The following ANKRD28 variants were observed in gnomAD, a reference collection of about 807,000 sequenced individuals.
The protein encoded by ANKRD28 is ankyrin repeat domain 28.
Under a neutral mutation model 126.5 loss-of-function variants are expected in ANKRD28, and 44 were observed. The ratio of observed to expected loss-of-function variants is 0.35; its 90% CI spans 0.27 to 0.45. The LOEUF is 0.45. ANKRD28 is among the 20% of genes least tolerant of loss of function. The pLI is 1.00. For missense variants in ANKRD28, 1,110 were observed against 1,316.6 expected, an observed-to-expected ratio of 0.84 and a Z score of 2.43; for synonymous variants, 442 against 468.5, an observed-to-expected ratio of 0.94 and a Z score of 0.73.
chr3:15,857,585 G>A (rs1280176348), intron 1 of ANKRD28, among the ~76,000 whole-genome samples: 2 of 152,172 alleles, frequency 1.3e-5, no homozygotes, highest in Non-Finnish European at 2.9e-5. Flanking sequence ...GCGCCTGGCC[G>A]CAAGTGGCAT....
intron 1 of ANKRD28, among the ~76,000 whole-genome samples, chr3:15,850,415 GA>G (rs1464766367): frequency 6.6e-6 from 1 of 151,932 alleles, no homozygotes; most frequent in African/African-American, 2.4e-5. Context: ...TTAAAAAACA[GA>G]AATGTATTCT....
At chr3:15,855,337 A>G (rs2061742170) in intron 1 of ANKRD28, among the ~76,000 whole-genome samples, 1 of 152,150 alleles carries the variant, frequency 6.6e-6, no homozygotes, top group South Asian at 2.1e-4. Flanking sequence ...CCTGTTTAAA[A>G]AAACAAAACA....
In ANKRD28 at chr3:15,767,745, G is replaced by A. The variant is rs1452210579; in HGVS notation, c.202-1433C>T. On this transcript the variant is annotated intron_variant, in intron 2 of 27. Transcript: ENST00000683139. The stretch of plus-strand genomic sequence containing the variant: ...AAAAAAAAAAAAAAAAAAAAAAGCC[G>A]CACGTGGTGGCGGGTGCCTGTAGTC... Among the ~76,000 whole-genome samples, 13 of 111,256 alleles carry A rather than the reference G, an allele frequency of 1.2e-4. No homozygotes were observed. The East Asian group carries it at 1.4e-3, about 12-fold the overall frequency. The allele number at this position is 111,256 out of a possible 152,430, so 73.0% of individuals were successfully genotyped here. A position where few individuals can be genotyped will look rare whatever the true frequency, so the allele number is the denominator to read the frequency against.
At chr3:15,806,307 A>AT (rs1195228677) in intron 1 of ANKRD28, among the ~76,000 whole-genome samples, 3 of 152,230 alleles carry the variant, frequency 2.0e-5, no homozygotes, top group Non-Finnish European at 4.4e-5. Flanking sequence ...AGAATTGATA[A>AT]TTAGCCCATT....
At chr3:15,770,523 CACTG>C (rs1174102924) in intron 2 of ANKRD28, among the ~76,000 whole-genome samples, 3 of 151,960 alleles carry the variant, frequency 2.0e-5, no homozygotes, top group Admixed American at 1.3e-4. Flanking sequence ...TGGAATTGAG[CACTG>C]AACAACCAAA....
chr3:15,819,655 T>C (rs2060902238), intron 1 of ANKRD28, among the ~76,000 whole-genome samples: 1 of 152,220 alleles, frequency 6.6e-6, no homozygotes, highest in Non-Finnish European at 1.5e-5. Flanking sequence ...TGAACTATGA[T>C]TGCCTGTTAC....
rs1370207517 is a variant in ANKRD28 at position 15,677,519 on chromosome 3, A to T, written c.2751T>A (p.Asp917Glu). Residue 917 changes from aspartate (D) to glutamate (E), a missense_variant, in exon 25 of 28, where the codon GAT (aspartate) becomes GAA (glutamate). Physicochemically the swap from Asp to Glu is conservative, Grantham distance 45. Transcript: ENST00000683139. ...AATGGAGGGCAGTATTTTTACTGTTATCTTGTAAAGTCAGTTCTGCACTAG... is the reference window on the plus strand; with the variant it reads ...AATGGAGGGCAGTATTTTTACTGTTTTCTTGTAAAGTCAGTTCTGCACTAG... ...SSASAELTLQDNSKNTALHLA... is the reference protein window; with the variant it reads ...SSASAELTLQENSKNTALHLA... 2.5e-6 allele frequency: 4 copies of T among 1,613,140 alleles called. No homozygotes were observed. The highest frequency in any genetic ancestry group is 3.4e-6 in the Non-Finnish European group (4 of 1,179,306).
intron 10 of ANKRD28, among the ~76,000 whole-genome samples, chr3:15,712,572 C>A (rs2072456964): frequency 6.6e-6 from 1 of 152,132 alleles, no homozygotes; most frequent in Non-Finnish European, 1.5e-5. Context: ...ATTGTGACAA[C>A]CAAAAATGTA....
chr3:15,788,900 AC>A (rs992815604), intron 2 of ANKRD28, among the ~76,000 whole-genome samples: 3 of 151,550 alleles, frequency 2.0e-5, no homozygotes, highest in Non-Finnish European at 4.4e-5. Flanking sequence ...CTACACATTT[AC>A]CCCCCCAAAA....
intron 2 of ANKRD28, among the ~76,000 whole-genome samples, chr3:15,782,409 C>A (rs2125701737): frequency 6.6e-6 from 1 of 152,118 alleles, no homozygotes; most frequent in Admixed American, 6.6e-5. Flanking sequence ...AATGAAATTA[C>A]AAAATATTGG....
At chr3:15,703,525 T>C (rs2125983201) in intron 14 of ANKRD28, among the ~76,000 whole-genome samples, 1 of 152,350 alleles carries the variant, frequency 6.6e-6, no homozygotes, top group African/African-American at 2.4e-5. Flanking sequence ...TGTGAGGATA[T>C]GGCAAGAATA....
In ANKRD28 at chr3:15,830,112, C is replaced by T. The variant is rs759305728; in HGVS notation, c.27+29265G>A. ...GCTTTTCCCTCCCCTTAACTGTAAGCAAGGCAGTGAAAAACACAGTCTGGT... is the reference window on the plus strand; with the variant it reads ...GCTTTTCCCTCCCCTTAACTGTAAGTAAGGCAGTGAAAAACACAGTCTGGT... On this transcript the variant is annotated intron_variant, in intron 1 of 27. Transcript: ENST00000399451. The surrounding 1 kb of genome is among the most constrained non-coding windows in gnomAD (Gnocchi z 4.5). Among the ~76,000 whole-genome samples, 6 of 152,164 alleles carry T rather than the reference C, an allele frequency of 3.9e-5. No homozygotes were observed. Among genetic ancestry groups the T allele is most frequent in the Non-Finnish European group, 7.3e-5 (5 of 68,028 alleles).
chr3:15,762,202 AAAAAAAAAAAACAAAAC>A (rs1192051623), intron 3 of ANKRD28, among the ~76,000 whole-genome samples: 180 of 31,858 alleles, frequency 5.7e-3, no homozygotes, highest in African/African-American at 0.011. Context: ...AAAAAAAAAA[AAAAAAAAAAAACAAAAC>A]AAAAAAAAAA....
Position 15,677,582 on chromosome 3 carries a change from C to A in ANKRD28, c.2708-20G>T. ...GCATCTCTGGGAGGAAAAAGTGCAT[C>A]AATTCTTATGTTTATGAACATGTTT... On this transcript the variant is annotated intron_variant, in intron 24 of 27. Transcript: ENST00000683139. The A allele has an allele frequency of 1.3e-6, 2 of 1,549,566 alleles. No homozygotes were observed. The highest frequency in any genetic ancestry group is 2.2e-5 in the South Asian group (2 of 89,084).
At chr3:15,762,221 A>AT (rs756528519) in intron 3 of ANKRD28, among the ~76,000 whole-genome samples, 1 of 100,782 alleles carries the variant, frequency 9.9e-6, no homozygotes, top group East Asian at 2.7e-4. Flanking sequence ...AAACAAAACA[A>AT]AAAAAAAAAA....
chr3:15,761,541 A>G (rs2058458290), intron 3 of ANKRD28, among the ~76,000 whole-genome samples: 1 of 152,160 alleles, frequency 6.6e-6, no homozygotes, highest in Admixed American at 6.6e-5. Context: ...TGGCATTCAA[A>G]CCAAATTTAA....
At chr3:15,754,133 CCAGT>C (rs1366088899) in intron 3 of ANKRD28, among the ~76,000 whole-genome samples, 10 of 152,058 alleles carry the variant, frequency 6.6e-5, no homozygotes, top group African/African-American at 2.4e-4. Context: ...AGCTTGTTAC[CCAGT>C]CAACCATGGT....
chr3:15,815,164 T>C lies in ANKRD28; in HGVS notation c.28-19858A>G, dbSNP rs2060807592. Among the ~76,000 whole-genome samples the C allele has an allele frequency of 6.6e-6, 1 of 152,072 alleles. No individual in the cohort carries two copies. Among genetic ancestry groups the C allele is most frequent in the Non-Finnish European group, 1.5e-5 (1 of 68,008 alleles). The stretch of plus-strand genomic sequence containing the variant: ...AGATAAAAAATAAAATTCCCACAAG[T>C]TAATTTTAGTGAAATGGCTTGTCTT... On this transcript the variant is annotated intron_variant, in intron 1 of 27. Coordinates refer to the ANKRD28 transcript ENST00000399451. The surrounding 1 kb of genome is among the most constrained non-coding windows in gnomAD (Gnocchi z 4.1).
chr3:15,672,698 G>C (rs57405314), intron 27 of ANKRD28, among the ~76,000 whole-genome samples: 13 of 152,332 alleles, frequency 8.5e-5, no homozygotes, highest in South Asian at 2.1e-4. Flanking sequence ...CCTTGGATGA[G>C]AGCGGGAGTG....
Sources: allele counts gnomAD v4.1 joint callset (sites outside exome capture counted in the v4.1 genomes callset), GRCh38; gene constraint gnomAD v4.1.1; non-coding constraint Gnocchi (gnomAD v3.1); transcripts MANE v1.5; gene names NCBI Gene and HGNC (gene_info 2026-07-23, HGNC 2026-07-21).